The following LHPP variants were observed in gnomAD, a reference collection of about 807,000 sequenced individuals.
LHPP encodes the protein phospholysine phosphohistidine inorganic pyrophosphate phosphatase.
A neutral mutation model predicts 30.3 loss-of-function variants in LHPP; 24 were observed. The observed-to-expected ratio is 0.79, with a 90% CI of 0.57 to 1.11. The LOEUF (loss-of-function observed/expected upper bound fraction) is 1.11, where lower values mean the gene tolerates loss of function less well. LHPP is among the 50% of genes most tolerant of loss of function. The probability of loss-of-function intolerance (pLI) is 0.00; values close to 1 mark genes in which losing one functional copy is unlikely to be tolerated. For missense variants in LHPP, 356 were observed against 367.2 expected (o/e 0.97, Z 0.25); for synonymous variants, 150 against 157.1 (o/e 0.95, Z 0.34).
chr10:124,529,225 C>T (rs1410639691), intron 6 of LHPP, among the ~76,000 whole-genome samples: 2 of 151,786 alleles, frequency 1.3e-5, no homozygotes, highest in Non-Finnish European at 1.5e-5. Flanking sequence ...TTAGTAGAGA[C>T]GGGGTTTCAC....
At chr10:124,506,278 C>T (rs1291008488) in intron 5 of LHPP, among the ~76,000 whole-genome samples, 4 of 133,324 alleles carry the variant, frequency 3.0e-5, no homozygotes, top group African/African-American at 5.4e-5. Flanking sequence ...CCCCCCACCC[C>T]GCGGTTTCTC....
chr10:124,515,897 C>T (rs1436622008), intron 5 of LHPP, among the ~76,000 whole-genome samples: 1 of 152,242 alleles, frequency 6.6e-6, no homozygotes, highest in Non-Finnish European at 1.5e-5. Context: ...CTCACGTGTG[C>T]TGGCAGTGGT....
chr10:124,466,118 G>A (rs944664531), intron 1 of LHPP, among the ~76,000 whole-genome samples: 1 of 152,158 alleles, frequency 6.6e-6, no homozygotes, highest in Non-Finnish European at 1.5e-5. Flanking sequence ...CAAAAGACTG[G>A]AAGCAGCTCA....
rs1554897185 is a variant in LHPP at position 124,596,077 on chromosome 10, GC to G, written c.717-17186del. Among the ~76,000 whole-genome samples, 1 of 152,160 alleles carries G rather than the reference GC, an allele frequency of 6.6e-6. No individual in the cohort carries two copies. Among genetic ancestry groups the G allele is most frequent in the Non-Finnish European group, 1.5e-5 (1 of 68,038 alleles). On this transcript the variant is annotated intron_variant, in intron 6 of 6. Coordinates refer to ENST00000368842, the MANE Select transcript of LHPP (RefSeq NM_022126.4). This position sits in a 1 kb window ranked among gnomAD's most constrained non-coding sequence, Gnocchi z 4.6. The stretch of plus-strand genomic sequence containing the variant: ...GTTCATTTCATCCGTGTTGTTCTGT[GC>G]AGCCAGACTCCATCCTACGGCATCC...
intron 6 of LHPP, among the ~76,000 whole-genome samples, chr10:124,563,851 G>A (rs1403575748): frequency 2.0e-5 from 3 of 152,228 alleles, no homozygotes; most frequent in African/African-American, 7.2e-5. Flanking sequence ...CAAGCATGCC[G>A]CTGGGAGAAA....
intron 6 of LHPP, among the ~76,000 whole-genome samples, chr10:124,595,811 G>T (rs1325414030): frequency 6.6e-6 from 1 of 152,194 alleles, no homozygotes; most frequent in Non-Finnish European, 1.5e-5. Context: ...AAAGACATCT[G>T]TCTGAGGCTT....
intron 2 of LHPP, among the ~76,000 whole-genome samples, chr10:124,487,797 G>A (rs1424782332): frequency 6.6e-6 from 1 of 152,146 alleles, no homozygotes; most frequent in Non-Finnish European, 1.5e-5. Context: ...AGAGATGACA[G>A]CATGTTTCTT....
At chr10:124,516,378 T>C (rs1457656611) in intron 5 of LHPP, among the ~76,000 whole-genome samples, 1 of 152,178 alleles carries the variant, frequency 6.6e-6, no homozygotes, top group Non-Finnish European at 1.5e-5. Context: ...ATTACCTCCT[T>C]ACAGGCCCTG....
At chr10:124,462,889 C>T (rs998696746) in intron 1 of LHPP, among the ~76,000 whole-genome samples, 1 of 151,950 alleles carries the variant, frequency 6.6e-6, no homozygotes, top group African/African-American at 2.4e-5. Flanking sequence ...TTGTTTGAGA[C>T]GGAGTTTTGC....
intron 6 of LHPP, among the ~76,000 whole-genome samples, chr10:124,518,232 C>T (rs939733944): frequency 2.6e-5 from 4 of 152,178 alleles, no homozygotes; most frequent in East Asian, 3.9e-4. Context: ...AGGCTTCCCC[C>T]GACGTGTATG....
chr10:124,526,456 C>G (rs917184565), intron 6 of LHPP, among the ~76,000 whole-genome samples: 4 of 152,232 alleles, frequency 2.6e-5, no homozygotes, highest in African/African-American at 9.6e-5. Flanking sequence ...GGGATTCGAA[C>G]CCACCTCTGC....
intron 6 of LHPP, among the ~76,000 whole-genome samples, chr10:124,570,932 C>T (rs952891678): frequency 6.6e-6 from 1 of 152,196 alleles, no homozygotes; most frequent in Admixed American, 6.5e-5. Context: ...AATCTCGTCT[C>T]GAATTCCCAT....
Position 124,481,770 on chromosome 10 carries a change from G to A in LHPP, c.126-2369G>A, listed in dbSNP as rs528530197. Among the ~76,000 whole-genome samples, 8 of 152,216 alleles carry A rather than the reference G, an allele frequency of 5.3e-5. No individual in the cohort carries two copies. The South Asian group carries it at 1.5e-3, about 28-fold the overall frequency. ...CACGCTGCTCGAGTTCTTTCTATCC[G>A]AGAGGGTGGGGCCAGTGCACACCTG... On this transcript the variant is annotated intron_variant, in intron 1 of 6. Transcript: ENST00000368842.
At chr10:124,499,962 G>A (rs1953852244) in intron 5 of LHPP, among the ~76,000 whole-genome samples, 1 of 152,058 alleles carries the variant, frequency 6.6e-6, no homozygotes, top group Non-Finnish European at 1.5e-5. Flanking sequence ...TGTTGAGAAG[G>A]AAAGGTTTGT....
chr10:124,527,988 C>T (rs1954788801), intron 6 of LHPP, among the ~76,000 whole-genome samples: 2 of 152,208 alleles, frequency 1.3e-5, no homozygotes, highest in South Asian at 4.2e-4. Flanking sequence ...CTGTGTTGCC[C>T]AGCCTCCTGG....
chr10:124,529,907 G>A (rs1274382119), intron 6 of LHPP, among the ~76,000 whole-genome samples: 1 of 152,242 alleles, frequency 6.6e-6, no homozygotes, highest in Non-Finnish European at 1.5e-5. Flanking sequence ...GGGAAGGGGT[G>A]TGGGGAATCA....
At chr10:124,504,639 A>G (rs558714865) in intron 5 of LHPP, among the ~76,000 whole-genome samples, 1 of 150,300 alleles carries the variant, frequency 6.7e-6, no homozygotes, top group Non-Finnish European at 1.5e-5. Context: ...AAGGAAGGAA[A>G]GAAGGAAGGA....
chr10:124,548,378 C>A (rs1955403821), intron 6 of LHPP, among the ~76,000 whole-genome samples: 1 of 152,178 alleles, frequency 6.6e-6, no homozygotes, highest in Non-Finnish European at 1.5e-5. Flanking sequence ...CCAGGGAGCT[C>A]CACCATAGCC....
At position 124,593,402 on chromosome 10, in the gene LHPP, ACCTGAGATGGGAGAGGTTG is replaced by A. The variant is rs1948905052; in HGVS notation, c.717-19860_717-19842del. ...GCCCCTCCCGGGCCTCAGTTTCCAC[ACCTGAGATGGGAGAGGTTG>A]CATCCTAAAGGCCCTCCATCTCTCA... On this transcript the variant is annotated intron_variant, in intron 6 of 6. Transcript: ENST00000368842. This position sits in a 1 kb window ranked among gnomAD's most constrained non-coding sequence, Gnocchi z 4.9. Among the ~76,000 whole-genome samples, 9 of 152,160 alleles carry A rather than the reference ACCTGAGATGGGAGAGGTTG, an allele frequency of 5.9e-5. No individual in the cohort carries two copies. In the South Asian group the frequency reaches 1.9e-3, roughly 32 times the overall value.
Sources: gnomAD v4.1 joint callset for allele counts (sites outside exome capture counted in the v4.1 genomes callset) on GRCh38, gnomAD v4.1.1 for gene constraint, Gnocchi (gnomAD v3.1) non-coding constraint, MANE v1.5 for transcripts, NCBI Gene and HGNC (gene_info 2026-07-23, HGNC 2026-07-21) for gene names.